The following IL6ST variants were observed in gnomAD, a reference collection of about 807,000 sequenced individuals.
The protein encoded by IL6ST is interleukin 6 cytokine family signal transducer.
Under a neutral mutation model 91.3 loss-of-function variants are expected in IL6ST, and 24 were observed. The observed-to-expected ratio is 0.26, with a 90% CI of 0.19 to 0.37. The LOEUF is 0.37. Ranked by LOEUF, IL6ST falls within the 10% of genes least tolerant of loss-of-function variation. IL6ST has a pLI of 1.00. For missense variants in IL6ST, 914 were observed against 1,078.5 expected, an observed-to-expected ratio of 0.85 and a Z score of 2.14; for synonymous variants, 351 against 373.6, an observed-to-expected ratio of 0.94 and a Z score of 0.70.
intron 3 of IL6ST, among the ~76,000 whole-genome samples, chr5:55,973,378 T>G (rs2111837550): frequency 6.6e-6 from 1 of 152,062 alleles, no homozygotes; most frequent in South Asian, 2.1e-4. Context: ...GCCAATGGAG[T>G]GTGCTATGAG....
chr5:55,976,180 T>A (rs1271547345), intron 3 of IL6ST, 35 bp downstream of exon 3: 8 of 1,109,114 alleles, frequency 7.2e-6, no homozygotes, highest in Non-Finnish European at 9.0e-6. Flanking sequence ...ACCTAATTTG[T>A]GAAGTTAGAA....
intron 1 of IL6ST, among the ~76,000 whole-genome samples, chr5:55,992,401 T>C (rs1196015831): frequency 1.3e-5 from 2 of 152,186 alleles, no homozygotes; most frequent in East Asian, 3.8e-4. Flanking sequence ...GTATGACCTT[T>C]AGATCTACCA....
At position 55,955,845 on chromosome 5, in the gene IL6ST, A is replaced by G. The variant is rs1270704372; in HGVS notation, c.1267+180T>C. Reference sequence around the variant, plus strand: ...CAGCCTGAGCAACCTGGCGAGACCCAGTCTCTGAAAAAAAGAAAATCATTA... The same window carrying G: ...CAGCCTGAGCAACCTGGCGAGACCCGGTCTCTGAAAAAAAGAAAATCATTA... On this transcript the variant is annotated intron_variant, in intron 10 of 16. Transcript: ENST00000381298. 7.9e-6 allele frequency: 3 copies of G among 378,786 alleles called. No homozygotes were observed. The East Asian group carries it at 1.2e-4, about 16-fold the overall frequency. The allele number at this position is 378,786 out of a possible 1,614,324, so 23.5% of individuals were successfully genotyped here.
At chr5:55,941,971 A>G (rs1750950776) in intron 16 of IL6ST, 152 bp from the exon 17 acceptor site, 2 of 653,644 alleles carry the variant, frequency 3.1e-6, no homozygotes, top group African/African-American at 1.8e-5. Flanking sequence ...CAGATACTAT[A>G]AAATGAGTCT....
intron 14 of IL6ST, among the ~76,000 whole-genome samples, chr5:55,947,812 C>T (rs1751368035): frequency 1.3e-5 from 2 of 152,004 alleles, no homozygotes; most frequent in Non-Finnish European, 2.9e-5. Flanking sequence ...TTAACCTGGC[C>T]GCATAGCATA....
chr5:55,945,123 A>C (rs968314876), intron 15 of IL6ST, among the ~76,000 whole-genome samples: 4 of 152,114 alleles, frequency 2.6e-5, no homozygotes, highest in Non-Finnish European at 4.4e-5. Context: ...AATCCCAATC[A>C]AAACTATAGT....
intron 1 of IL6ST, among the ~76,000 whole-genome samples, chr5:55,989,680 C>G (rs1166750597): frequency 2.0e-5 from 3 of 152,086 alleles, no homozygotes. Flanking sequence ...ATAAATAGTT[C>G]TTGCCTTTAA....
intron 2 of IL6ST, among the ~76,000 whole-genome samples, chr5:55,977,923 C>T (rs1006367903): frequency 1.3e-5 from 2 of 151,956 alleles, no homozygotes; most frequent in African/African-American, 4.8e-5. Flanking sequence ...TGTTTGAACC[C>T]GGAAGGCAGG....
intron 3 of IL6ST, among the ~76,000 whole-genome samples, chr5:55,971,279 G>A (rs529920227): frequency 6.3e-4 from 96 of 152,164 alleles, no homozygotes; most frequent in African/African-American, 2.3e-3. Flanking sequence ...CTTAACAATA[G>A]TGCACTGTAT....
intron 1 of IL6ST, among the ~76,000 whole-genome samples, chr5:55,987,451 T>C (rs914865432): frequency 6.6e-6 from 1 of 152,200 alleles, no homozygotes. Context: ...TTGAAAAGCA[T>C]CTGATAACAT....
At chr5:55,983,599 T>A (rs533714404) in intron 1 of IL6ST, among the ~76,000 whole-genome samples, 4 of 152,210 alleles carry the variant, frequency 2.6e-5, no homozygotes, top group Non-Finnish European at 5.9e-5. Flanking sequence ...TCCATTATTG[T>A]TTCATACACA....
chr5:55,975,126 G>A (rs1165621691), intron 3 of IL6ST, among the ~76,000 whole-genome samples: 1 of 152,030 alleles, frequency 6.6e-6, no homozygotes, highest in African/African-American at 2.4e-5. Flanking sequence ...GGGACTAGAG[G>A]CATGATATGG....
At chr5:55,945,429 G>A in intron 15 of IL6ST, among the ~76,000 whole-genome samples, 1 of 151,954 alleles carries the variant, frequency 6.6e-6, no homozygotes. Flanking sequence ...AAATGACAAT[G>A]GAATTAGACA....
At chr5:55,973,796 T>G (rs1753105148) in intron 3 of IL6ST, among the ~76,000 whole-genome samples, 1 of 152,204 alleles carries the variant, frequency 6.6e-6, no homozygotes. Context: ...TCCTGTTATT[T>G]TCAACATTTT....
intron 3 of IL6ST, among the ~76,000 whole-genome samples, chr5:55,974,491 T>A (rs1453431094): frequency 3.5e-5 from 4 of 113,036 alleles, no homozygotes; most frequent in African/African-American, 1.4e-4. Context: ...CAAGCTCAGA[T>A]TTTTTTTTTT....
intron 10 of IL6ST, 38 bp downstream of exon 10, chr5:55,955,987 T>C (rs766265996): frequency 6.9e-7 from 1 of 1,441,218 alleles, no homozygotes; most frequent in Non-Finnish European, 9.8e-7. Flanking sequence ...CCACCATTTT[T>C]CCACCCAAGA....
intron 6 of IL6ST, among the ~76,000 whole-genome samples, chr5:55,963,800 C>T (rs1223233696): frequency 1.3e-5 from 2 of 152,028 alleles, no homozygotes; most frequent in African/African-American, 2.4e-5. Context: ...ATGGAACATA[C>T]ATACTGTAAT....
intron 1 of IL6ST, among the ~76,000 whole-genome samples, chr5:55,991,950 A>C (rs899804175): frequency 2.0e-5 from 3 of 152,162 alleles, no homozygotes; most frequent in African/African-American, 7.2e-5. Flanking sequence ...ATTCGGTCTT[A>C]TCTTTCATCA....
chr5:55,975,410 C>T (rs1414930786), intron 3 of IL6ST, among the ~76,000 whole-genome samples: 1 of 152,116 alleles, frequency 6.6e-6, no homozygotes, highest in African/African-American at 2.4e-5. Flanking sequence ...CAAAGCCTCC[C>T]CAGAAGCAGA....
Sources: gnomAD v4.1 joint callset for allele counts (sites outside exome capture counted in the v4.1 genomes callset) on GRCh38, gnomAD v4.1.1 for gene constraint, MANE v1.5 for transcripts, NCBI Gene and HGNC (gene_info 2026-07-23, HGNC 2026-07-21) for gene names.